The following SUGCT variants were observed in gnomAD, a reference collection of about 807,000 sequenced individuals.
SUGCT encodes succinyl-CoA:glutarate CoA-transferase.
A neutral mutation model predicts 55.0 loss-of-function variants in SUGCT; 41 were observed. The ratio of observed to expected loss-of-function variants is 0.74; its 90% confidence interval spans 0.58 to 0.97. SUGCT has a LOEUF of 0.97. SUGCT is among the 50% of genes least tolerant of loss of function. The probability of loss-of-function intolerance (pLI) is 0.00; values close to 1 mark genes in which losing one functional copy is unlikely to be tolerated. For synonymous variants in SUGCT, 187 were observed against 200.4 expected (o/e 0.93, Z 0.56); for missense variants, 568 against 547.8 (o/e 1.04, Z -0.37).
At chr7:40,302,794 A>G (rs1222213687) in intron 8 of SUGCT, among the ~76,000 whole-genome samples, 1 of 152,194 alleles carries the variant, frequency 6.6e-6, no homozygotes, top group Admixed American at 6.5e-5. Context: ...TGTATATGCC[A>G]GAGGATGGGA....
At chr7:40,390,836 A>C (rs1192757143) in intron 9 of SUGCT, among the ~76,000 whole-genome samples, 1 of 152,236 alleles carries the variant, frequency 6.6e-6, no homozygotes, top group Non-Finnish European at 1.5e-5. Flanking sequence ...GATAATCCTA[A>C]GCCAAAAGAA....
intron 5 of SUGCT, among the ~76,000 whole-genome samples, chr7:40,191,841 G>A (rs944302157): frequency 8.5e-5 from 13 of 152,118 alleles, no homozygotes; most frequent in East Asian, 3.9e-4. Context: ...CAGGCATGGT[G>A]GCTCACGCCT....
At chr7:40,858,214 A>C (rs1428129236) in intron 13 of SUGCT, among the ~76,000 whole-genome samples, 2 of 151,744 alleles carry the variant, frequency 1.3e-5, no homozygotes, top group Non-Finnish European at 2.9e-5. Flanking sequence ...GGCCAGCCTG[A>C]CCAACGTGGA....
intron 9 of SUGCT, among the ~76,000 whole-genome samples, chr7:40,331,795 CAT>C (rs1260113176): frequency 6.6e-6 from 1 of 152,158 alleles, no homozygotes; most frequent in Non-Finnish European, 1.5e-5. Context: ...GGCAGGGAAA[CAT>C]GTGAATCCTA....
chr7:40,722,815 T>C (rs1163499629), intron 12 of SUGCT, among the ~76,000 whole-genome samples: 1 of 152,252 alleles, frequency 6.6e-6, no homozygotes, highest in Non-Finnish European at 1.5e-5. Context: ...GAAGTATTTC[T>C]ATTTTCTTGG....
chr7:40,693,053 G>A (rs930484713), intron 12 of SUGCT, among the ~76,000 whole-genome samples: 1 of 152,082 alleles, frequency 6.6e-6, no homozygotes, highest in Non-Finnish European at 1.5e-5. Flanking sequence ...TCTCCTGGAG[G>A]GTCATCAGGA....
chr7:40,419,466 A>T (rs1003544266), intron 9 of SUGCT, among the ~76,000 whole-genome samples: 6 of 152,220 alleles, frequency 3.9e-5, no homozygotes, highest in Admixed American at 2.0e-4. Context: ...TCTAATTATT[A>T]CTCAGTAAAA....
At chr7:40,660,273 G>T (rs1372129895) in intron 12 of SUGCT, among the ~76,000 whole-genome samples, 1 of 151,996 alleles carries the variant, frequency 6.6e-6, no homozygotes, top group Non-Finnish European at 1.5e-5. Context: ...TATTGTTGTT[G>T]TTTGAGATGG....
intron 13 of SUGCT, among the ~76,000 whole-genome samples, chr7:40,763,160 T>C (rs1788618628): frequency 6.6e-6 from 1 of 152,194 alleles, no homozygotes. Flanking sequence ...TATGTGGAGC[T>C]ACACCTGATA....
rs899694615 is a variant in SUGCT at position 40,391,488 on chromosome 7, C to G, written c.817-57799C>G. ...AGTGGGCAAAGGATATGAACAGACA[C>G]TTCTCAAAAGAAGACATTTATGCAG... On this transcript the variant is annotated intron_variant, in intron 9 of 13. Coordinates refer to ENST00000335693, the MANE Select transcript of SUGCT (RefSeq NM_001193313.2). Among the ~76,000 whole-genome samples, 7 of 152,318 alleles carry G rather than the reference C, an allele frequency of 4.6e-5. No individual in the cohort carries two copies. In the East Asian group the frequency reaches 5.8e-4, roughly 13 times the overall value.
At chr7:40,922,448 C>T in the SUGCT span, among the ~76,000 whole-genome samples, 6 of 152,182 alleles carry the variant, frequency 3.9e-5, no homozygotes, top group East Asian at 1.9e-4. Flanking sequence ...CTCATATTCA[C>T]GCCTCAGGAG....
intron 9 of SUGCT, among the ~76,000 whole-genome samples, chr7:40,353,189 C>T (rs570342169): frequency 6.1e-4 from 93 of 152,242 alleles, no homozygotes; most frequent in African/African-American, 2.0e-3. Flanking sequence ...ACCAAGTTTT[C>T]GGGTGACTGG....
chr7:40,248,143 C>G (rs1790039712), intron 7 of SUGCT, among the ~76,000 whole-genome samples: 1 of 151,724 alleles, frequency 6.6e-6, no homozygotes, highest in Non-Finnish European at 1.5e-5. Flanking sequence ...TCCCAAGTAG[C>G]TGGGATTACA....
intron 9 of SUGCT, among the ~76,000 whole-genome samples, chr7:40,373,105 A>G (rs1021861977): frequency 2.0e-5 from 3 of 151,948 alleles, no homozygotes; most frequent in African/African-American, 7.2e-5. Context: ...AATTGTTGCT[A>G]GTGAAGTCAG....
At chr7:40,713,812 T>G (rs1274577430) in intron 12 of SUGCT, among the ~76,000 whole-genome samples, 1 of 152,158 alleles carries the variant, frequency 6.6e-6, no homozygotes, top group Admixed American at 6.5e-5. Flanking sequence ...CCCTACCCTC[T>G]CCTGTCCCTC....
At chr7:40,779,105 A>T (rs879667538) in intron 13 of SUGCT, among the ~76,000 whole-genome samples, 6 of 145,294 alleles carry the variant, frequency 4.1e-5, no homozygotes, top group Non-Finnish European at 7.6e-5. Context: ...GTCTCCGTTG[A>T]TGTCTTTGCC....
chr7:40,709,197 C>G (rs145619507), intron 12 of SUGCT, among the ~76,000 whole-genome samples: 2 of 152,266 alleles, frequency 1.3e-5, no homozygotes, highest in East Asian at 3.9e-4. Flanking sequence ...TGTTTGATGC[C>G]CTTTTGATAA....
chr7:40,846,542 T>C, intron 13 of SUGCT, among the ~76,000 whole-genome samples: 1 of 152,316 alleles, frequency 6.6e-6, no homozygotes, highest in Non-Finnish European at 1.5e-5. Flanking sequence ...AAATGGATAA[T>C]CTACTATGAC....
At chr7:41,037,115 A>G in the SUGCT span, among the ~76,000 whole-genome samples, 2 of 152,230 alleles carry the variant, frequency 1.3e-5, no homozygotes, top group African/African-American at 4.8e-5. Flanking sequence ...GCATGTGTGG[A>G]TGAAATATGA....
Sources: allele counts gnomAD v4.1 joint callset (sites outside exome capture counted in the v4.1 genomes callset), GRCh38; gene constraint gnomAD v4.1.1; transcripts MANE v1.5; gene names NCBI Gene and HGNC (gene_info 2026-07-23, HGNC 2026-07-21).